The following TRHDE variants were observed in gnomAD, a reference collection of about 807,000 sequenced individuals.
The protein encoded by TRHDE is thyrotropin-releasing hormone-degrading ectoenzyme.
Under a neutral mutation model 125.7 loss-of-function variants are expected in TRHDE, and 72 were observed. The observed-to-expected ratio is 0.57, with a 90% CI of 0.47 to 0.70. TRHDE has a LOEUF of 0.70. TRHDE is among the 30% of genes least tolerant of loss of function. TRHDE has a pLI of 0.00. For missense variants in TRHDE, 1,110 were observed against 1,327.1 expected (o/e 0.84, Z 2.54); for synonymous variants, 509 against 509.1 (o/e 1.00, Z 0.00).
chr12:72,350,965 T>C (rs1430123454), intron 2 of TRHDE, among the ~76,000 whole-genome samples: 1 of 151,978 alleles, frequency 6.6e-6, no homozygotes. Flanking sequence ...AACTAGCCAA[T>C]TGCATACAAT....
intron 1 of TRHDE, among the ~76,000 whole-genome samples, chr12:72,284,792 G>T (rs1302572135): frequency 1.3e-5 from 2 of 152,118 alleles, no homozygotes; most frequent in African/African-American, 2.4e-5. Context: ...AGGACAATTT[G>T]TTTCTAATAT....
intron 2 of TRHDE, among the ~76,000 whole-genome samples, chr12:72,249,723 C>T (rs974099829): frequency 3.3e-5 from 5 of 151,962 alleles, no homozygotes; most frequent in Non-Finnish European, 7.4e-5. Flanking sequence ...TATAAATGCT[C>T]GAGTATTTAT....
intron 10 of TRHDE, among the ~76,000 whole-genome samples, chr12:72,573,770 C>A (rs1014146236): frequency 6.6e-6 from 1 of 151,864 alleles, no homozygotes; most frequent in Admixed American, 6.6e-5. Context: ...AAGTGTTATA[C>A]CATCTTGTAT....
chr12:72,248,053 A>G (rs1878607727), intron 2 of TRHDE, among the ~76,000 whole-genome samples: 1 of 152,174 alleles, frequency 6.6e-6, no homozygotes. Context: ...ATATGTATGC[A>G]TGCATGTGTG....
At chr12:72,624,172 G>A (rs900876141) in intron 15 of TRHDE, among the ~76,000 whole-genome samples, 1 of 151,930 alleles carries the variant, frequency 6.6e-6, no homozygotes, top group Admixed American at 6.6e-5. Context: ...TTGGATGACA[G>A]CTTGATAATT....
intron 1 of TRHDE, among the ~76,000 whole-genome samples, chr12:72,089,248 C>T (rs552228169): frequency 1.3e-5 from 2 of 152,138 alleles, no homozygotes; most frequent in Non-Finnish European, 2.9e-5. Context: ...ACATTGTTTC[C>T]AGCATTGCCC....
chr12:72,635,071 C>T (rs1178716497), intron 15 of TRHDE, among the ~76,000 whole-genome samples: 7 of 151,108 alleles, frequency 4.6e-5, no homozygotes, highest in South Asian at 2.1e-4. Flanking sequence ...CCTGAGGAAT[C>T]GCCACACTGA....
At chr12:72,641,213 A>T (rs796954675) in intron 15 of TRHDE, among the ~76,000 whole-genome samples, 13 of 152,340 alleles carry the variant, frequency 8.5e-5, no homozygotes, top group African/African-American at 3.1e-4. Flanking sequence ...TTTCTTTGGC[A>T]AGTATAATTT....
intron 7 of TRHDE, among the ~76,000 whole-genome samples, chr12:72,558,406 T>G (rs939054190): frequency 7.9e-5 from 12 of 152,150 alleles, no homozygotes; most frequent in Non-Finnish European, 1.3e-4. Flanking sequence ...AGATAAAATA[T>G]CCATTAGGCA....
intron 18 of TRHDE, among the ~76,000 whole-genome samples, chr12:72,657,955 A>C (rs1479165846): frequency 6.6e-6 from 1 of 152,150 alleles, no homozygotes; most frequent in Non-Finnish European, 1.5e-5. Context: ...CCCCACAGCT[A>C]ACCACACTGA....
chr12:72,663,661 A>G lies in TRHDE; in HGVS notation c.*466A>G, dbSNP rs1160707200. 6.6e-6 allele frequency: 1 copy of G among 152,650 alleles called. No homozygotes were observed. The highest frequency in any genetic ancestry group is 1.5e-5 in the Non-Finnish European group (1 of 68,080). The allele number at this position is 152,650 out of a possible 1,614,324, so 9.5% of individuals were successfully genotyped here. On this transcript the variant is annotated 3_prime_UTR_variant, in exon 19 of 19. Transcript: ENST00000261180. ...TGCAAAAGCACAAAGATTATATATG[A>G]CAATCAGTATTGCAATGAAAGAAAA...
At position 72,524,532 on chromosome 12, in the gene TRHDE, T is replaced by C. The variant is rs113509146; in HGVS notation, c.1723-17759T>C. 2.1e-3 allele frequency among the ~76,000 whole-genome samples: 324 copies of C among 152,286 alleles called. 5 individuals are homozygous for C. The highest frequency in any genetic ancestry group is 0.017 in the Middle Eastern group (5 of 294). Reference sequence around the variant, plus strand: ...ATGATGGAAACATCAGTTATGCTGGTATTCACTTGTAATACATATTTTATT... The same window carrying C: ...ATGATGGAAACATCAGTTATGCTGGCATTCACTTGTAATACATATTTTATT... On this transcript the variant is annotated intron_variant, in intron 6 of 18. Transcript: ENST00000261180.
chr12:72,317,350 T>C (rs1416163847), intron 2 of TRHDE, among the ~76,000 whole-genome samples: 3 of 152,182 alleles, frequency 2.0e-5, no homozygotes, highest in Non-Finnish European at 4.4e-5. Context: ...AAAATTGTAA[T>C]ACAGATGTCT....
At chr12:72,184,466 G>A (rs936512016) in intron 2 of TRHDE, among the ~76,000 whole-genome samples, 3 of 152,114 alleles carry the variant, frequency 2.0e-5, no homozygotes, top group Non-Finnish European at 2.9e-5. Flanking sequence ...GGCATCTTGA[G>A]GGTCTCAAAA....
At chr12:72,152,134 A>G (rs1876382753) in intron 2 of TRHDE, among the ~76,000 whole-genome samples, 1 of 151,316 alleles carries the variant, frequency 6.6e-6, no homozygotes, top group African/African-American at 2.4e-5. Flanking sequence ...TTGGATTCCT[A>G]GGTATTTTAT....
At chr12:72,488,608 T>C (rs1281096266) in intron 5 of TRHDE, among the ~76,000 whole-genome samples, 1 of 151,996 alleles carries the variant, frequency 6.6e-6, no homozygotes, top group Non-Finnish European at 1.5e-5. Flanking sequence ...AGATATAAAA[T>C]CAATAAGGAA....
chr12:72,284,073 A>C (rs559873163), intron 1 of TRHDE, among the ~76,000 whole-genome samples: 1 of 152,240 alleles, frequency 6.6e-6, no homozygotes, highest in South Asian at 2.1e-4. Flanking sequence ...AAACTTTTTG[A>C]GTACTAACAT....
intron 6 of TRHDE, among the ~76,000 whole-genome samples, chr12:72,517,559 C>A (rs1466060312): frequency 6.6e-6 from 1 of 151,884 alleles, no homozygotes; most frequent in South Asian, 2.1e-4. Context: ...GTCTTGCTAG[C>A]GGTCTATCAG....
At chr12:72,488,031 T>G (rs551528133) in intron 5 of TRHDE, among the ~76,000 whole-genome samples, 1 of 151,606 alleles carries the variant, frequency 6.6e-6, no homozygotes, top group African/African-American at 2.4e-5. Flanking sequence ...CAAGCAATAA[T>G]TAGGAAGGAA....
Sources: gnomAD v4.1 joint callset for allele counts (sites outside exome capture counted in the v4.1 genomes callset) on GRCh38, gnomAD v4.1.1 for gene constraint, MANE v1.5 for transcripts, NCBI Gene and HGNC (gene_info 2026-07-23, HGNC 2026-07-21) for gene names.